Variants in CNTN4 observed in about 807,000 individuals in gnomAD.
CNTN4 encodes the protein contactin 4.
A neutral mutation model predicts 122.5 loss-of-function variants in CNTN4; 77 were observed. That is an observed-to-expected ratio of 0.63 (90% CI 0.52 to 0.76). The LOEUF (loss-of-function observed/expected upper bound fraction) is 0.76, where lower values mean the gene tolerates loss of function less well. Ranked by LOEUF, CNTN4 falls within the 30% of genes least tolerant of loss-of-function variation. CNTN4 has a pLI of 0.00. For synonymous variants in CNTN4, 512 were observed against 447.0 expected (o/e 1.15, Z -1.83); for missense variants, 1,256 against 1,259.1 (o/e 1.00, Z 0.04).
chr3:2,546,859 G>T (rs2078265940), intron 3 of CNTN4, among the ~76,000 whole-genome samples: 1 of 152,120 alleles, frequency 6.6e-6, no homozygotes, highest in South Asian at 2.1e-4. Context: ...GGATTGGTAA[G>T]ATTTACACCA....
rs2081966134 is a variant in CNTN4, at chr3:2,620,936, C to T, written c.55+49378C>T. On this transcript the variant is annotated intron_variant, in intron 4 of 24. Transcript: ENST00000418658. ...GACTATACATTTAAAAGACACAAAC[C>T]TAAACATGAAGTAAGAAAGACTTGA... Among the ~76,000 whole-genome samples, 3 of 152,072 alleles carry T rather than the reference C, an allele frequency of 2.0e-5. No individual in the cohort carries two copies. In the South Asian group the frequency reaches 6.2e-4, roughly 32 times the overall value.
At chr3:2,383,673 C>T (rs1243940471) in intron 3 of CNTN4, among the ~76,000 whole-genome samples, 1 of 148,274 alleles carries the variant, frequency 6.7e-6, no homozygotes, top group Non-Finnish European at 1.5e-5. Flanking sequence ...TTCCCTTTGC[C>T]TCCCTTCCTC....
intron 3 of CNTN4, among the ~76,000 whole-genome samples, chr3:2,546,737 T>C (rs2078261853): frequency 6.6e-6 from 1 of 152,046 alleles, no homozygotes; most frequent in Admixed American, 6.6e-5. Flanking sequence ...ATTGATTAAA[T>C]TGGTAGCAGG....
chr3:2,280,247 A>G (rs2149889590), intron 2 of CNTN4, among the ~76,000 whole-genome samples: 1 of 152,310 alleles, frequency 6.6e-6, no homozygotes, highest in East Asian at 1.9e-4. Context: ...GGCGTGAGCC[A>G]CTGCACCCAG....
intron 3 of CNTN4, among the ~76,000 whole-genome samples, chr3:2,376,966 G>A (rs2150722071): frequency 6.6e-6 from 1 of 152,104 alleles, no homozygotes; most frequent in South Asian, 2.1e-4. Context: ...GACCATCCTG[G>A]CCAACATGGT....
At chr3:2,387,128 A>G (rs984839700) in intron 3 of CNTN4, among the ~76,000 whole-genome samples, 1 of 152,198 alleles carries the variant, frequency 6.6e-6, no homozygotes, top group Non-Finnish European at 1.5e-5. Context: ...AATTACTCAA[A>G]TTTATAAAAC....
At position 2,988,383 on chromosome 3, in the gene CNTN4, A is replaced by T; in HGVS notation, c.1397A>T (p.Asn466Ile). 6.2e-7 allele frequency: 1 copy of T among 1,613,760 alleles called. No individual in the cohort carries two copies. Among genetic ancestry groups the T allele is most frequent in the Non-Finnish European group, 8.5e-7 (1 of 1,179,736 alleles). ...GAAGATGGAAACCTCAGAATCATCAACGTTACTAAATCAGACGCTGGGAGT... is the reference window on the plus strand; with the variant it reads ...GAAGATGGAAACCTCAGAATCATCATCGTTACTAAATCAGACGCTGGGAGT... ...ISEDGNLRII[N>I]VTKSDAGSYT... Residue 466 changes from asparagine (N) to isoleucine (I), a missense_variant, in exon 14 of 25, where the codon AAC (asparagine) becomes ATC (isoleucine). By Grantham distance (149) the Asn-to-Ile change is moderately radical. Transcript: ENST00000418658.
At chr3:2,782,527 A>C (rs2091644852) in intron 6 of CNTN4, among the ~76,000 whole-genome samples, 1 of 139,462 alleles carries the variant, frequency 7.2e-6, no homozygotes, top group South Asian at 2.2e-4. Context: ...TTTAATGGGA[A>C]GGAAACCACA....
intron 4 of CNTN4, among the ~76,000 whole-genome samples, chr3:2,679,726 C>G (rs2085067931): frequency 6.6e-6 from 1 of 152,164 alleles, no homozygotes; most frequent in South Asian, 2.1e-4. Flanking sequence ...CTTTCCCCTC[C>G]AACATTCTCA....
At chr3:2,223,551 T>C (rs958662768) in intron 2 of CNTN4, among the ~76,000 whole-genome samples, 6 of 152,194 alleles carry the variant, frequency 3.9e-5, no homozygotes, top group African/African-American at 1.4e-4. Flanking sequence ...TATTATTGCC[T>C]CCTGTGCAGA....
At chr3:2,119,814 C>T (rs1450920665) in intron 2 of CNTN4, among the ~76,000 whole-genome samples, 4 of 152,136 alleles carry the variant, frequency 2.6e-5, no homozygotes, top group Admixed American at 6.5e-5. Context: ...AACTTGCCAT[C>T]ATAGAGCTTA....
rs537849437 is a variant in CNTN4, at chr3:2,245,709, T to C, written c.-144-93469T>C. ...CGTATTTTCTTTTGTAGACAAAAGA[T>C]TGTAGGGTGAAAATTTGTAAATTTA... is the stretch of plus-strand genomic sequence containing the variant. On this transcript the variant is annotated intron_variant, in intron 2 of 24. Transcript: ENST00000418658. Among the ~76,000 whole-genome samples the C allele has an allele frequency of 9.9e-4, 150 of 152,156 alleles. 1 individual carries two copies. The highest frequency in any genetic ancestry group is 4.8e-3 in the Admixed American group (73 of 15,254).
At chr3:2,532,482 A>G (rs1472589646) in intron 3 of CNTN4, among the ~76,000 whole-genome samples, 1 of 152,188 alleles carries the variant, frequency 6.6e-6, no homozygotes, top group Non-Finnish European at 1.5e-5. Flanking sequence ...CTAGGAACAA[A>G]AAATAAAAAT....
At chr3:2,594,661 C>T (rs576028097) in intron 4 of CNTN4, among the ~76,000 whole-genome samples, 241 of 150,588 alleles carry the variant, frequency 1.6e-3, no homozygotes, top group African/African-American at 5.6e-3. Context: ...ACCTCAGAAT[C>T]GGCCAGCCTT....
At position 2,340,710 on chromosome 3, in the gene CNTN4, T is replaced by TATATATATATAGAGAGAGAG; in HGVS notation, c.-89+1478_-89+1479insTATATATATAGAGAGAGAGA. On this transcript the variant is annotated intron_variant, in intron 3 of 24. Transcript: ENST00000418658. ...TTATATATATATATATATATATATA[T>TATATATATATAGAGAGAGAG]AGAGAGAGAGAGAGAGAGAGAGAGA... is the stretch of plus-strand genomic sequence containing the variant. Among the ~76,000 whole-genome samples, 17 of 18,292 alleles carry TATATATATATAGAGAGAGAG rather than the reference T, an allele frequency of 9.3e-4. 1 individual carries two copies. Among genetic ancestry groups the TATATATATATAGAGAGAGAG allele is most frequent in the East Asian group, 5.0e-3 (1 of 202 alleles). 12.0% of individuals were successfully genotyped at this position (18,292 alleles called of 152,430 possible). A position where few individuals can be genotyped will look rare whatever the true frequency, so the allele number is the denominator to read the frequency against.
At chr3:2,099,144 G>C (rs1348046864) in intron 1 of CNTN4, 166 bp downstream of exon 1, 1 of 152,346 alleles carries the variant, frequency 6.6e-6, no homozygotes, top group Admixed American at 6.5e-5. Context: ...CAGCGTCTGC[G>C]GGGCCGTCCA....
At chr3:2,701,000 T>C (rs2086327484) in intron 4 of CNTN4, among the ~76,000 whole-genome samples, 1 of 152,196 alleles carries the variant, frequency 6.6e-6, no homozygotes, top group South Asian at 2.1e-4. Context: ...TCAGGTGAAA[T>C]TGCTCATAGA....
intron 4 of CNTN4, among the ~76,000 whole-genome samples, chr3:2,696,170 T>A (rs1435491235): frequency 1.3e-5 from 2 of 152,254 alleles, no homozygotes; most frequent in Admixed American, 1.3e-4. Context: ...ATATTAGCTT[T>A]TCAAGAGATC....
intron 2 of CNTN4, among the ~76,000 whole-genome samples, chr3:2,311,958 AT>A (rs1008391464): frequency 5.3e-5 from 8 of 152,098 alleles, no homozygotes; most frequent in Non-Finnish European, 1.2e-4. Context: ...TATCTGACAT[AT>A]TGTAAGCACG....
Sources: gnomAD v4.1 joint callset for allele counts (sites outside exome capture counted in the v4.1 genomes callset) on GRCh38, gnomAD v4.1.1 for gene constraint, MANE v1.5 for transcripts, NCBI Gene and HGNC (gene_info 2026-07-23, HGNC 2026-07-21) for gene names.